DOCK1: variants seen among roughly 807,000 people sequenced by gnomAD.
DOCK1 encodes dedicator of cytokinesis protein 1.
Under a neutral mutation model 262.7 loss-of-function variants are expected in DOCK1, and 138 were observed. The ratio of observed to expected loss-of-function variants is 0.53; its 90% CI spans 0.46 to 0.61. The LOEUF is 0.61. DOCK1 is among the 20% of genes least tolerant of loss of function. The pLI, the probability that DOCK1 is intolerant of heterozygous loss-of-function variation, is 0.00. For synonymous variants in DOCK1, 866 were observed against 867.4 expected, an observed-to-expected ratio of 1.00 and a Z score of 0.03; for missense variants, 1,908 against 2,370.7, an observed-to-expected ratio of 0.80 and a Z score of 4.05.
chr10:127,315,445 G>T (rs2062234253), intron 29 of DOCK1, among the ~76,000 whole-genome samples: 1 of 152,108 alleles, frequency 6.6e-6, no homozygotes, highest in Non-Finnish European at 1.5e-5. Context: ...CAGAGGAGAG[G>T]CCATTTGAGG....
intron 23 of DOCK1, among the ~76,000 whole-genome samples, chr10:127,088,248 T>C (rs1376788244): frequency 6.6e-6 from 1 of 152,248 alleles, no homozygotes; most frequent in Admixed American, 6.5e-5. Flanking sequence ...CTTATTATTG[T>C]ACTGTTTACC....
intron 27 of DOCK1, among the ~76,000 whole-genome samples, chr10:127,139,876 AT>A (rs2051055912): frequency 6.6e-6 from 1 of 152,206 alleles, no homozygotes; most frequent in Non-Finnish European, 1.5e-5. Flanking sequence ...TTATTGTACC[AT>A]TATTATCTAT....
At chr10:127,310,680 A>T (rs2062032734) in intron 29 of DOCK1, among the ~76,000 whole-genome samples, 1 of 152,214 alleles carries the variant, frequency 6.6e-6, no homozygotes. Context: ...GGATTTTCAA[A>T]GCCGCAGGAG....
intron 38 of DOCK1, among the ~76,000 whole-genome samples, chr10:127,389,671 T>G (rs2066353492): frequency 6.6e-6 from 1 of 152,052 alleles, no homozygotes; most frequent in Non-Finnish European, 1.5e-5. Context: ...TCCTCCTTGG[T>G]GCTGTGTCGT....
chr10:127,061,724 G>A lies in DOCK1; in HGVS notation c.2393G>A (p.Arg798Lys). The change falls in exon 23 of 52, where the codon AGG (arginine) becomes AAG (lysine). Residue 798 changes from arginine (R) to lysine (K), a missense_variant. Coordinates refer to ENST00000623213, the MANE Select transcript of DOCK1 (RefSeq NM_001290223.2). ...DFVESLLQLF[R>K]SINDMMSSMS... ...GTGGAATCTTTGCTGCAGCTCTTCA[G>A]GTCCATCAATGACATGATGAGCAGC... is the stretch of plus-strand genomic sequence containing the variant. The A allele has an allele frequency of 6.3e-7, 1 of 1,598,096 alleles. No homozygotes were observed. The highest frequency in any genetic ancestry group is 8.5e-7 in the Non-Finnish European group (1 of 1,172,240).
At chr10:127,310,767 A>G (rs967000352) in intron 29 of DOCK1, among the ~76,000 whole-genome samples, 2 of 152,194 alleles carry the variant, frequency 1.3e-5, no homozygotes, top group Admixed American at 1.3e-4. Context: ...ATAGAAGGAA[A>G]TAAACTCCAG....
At chr10:127,018,588 C>T (rs2042182312) in intron 12 of DOCK1, 122 bp from the exon 13 acceptor site, 1 of 1,501,722 alleles carries the variant, frequency 6.7e-7, no homozygotes, top group Non-Finnish European at 9.1e-7. Flanking sequence ...ATATACCCAC[C>T]TTTTCTCTCA....
chr10:127,397,750 GACACGGGCAGCGACTCCTGTA>G (rs2066990827), intron 38 of DOCK1, among the ~76,000 whole-genome samples: 3 of 104,352 alleles, frequency 2.9e-5, no homozygotes, highest in African/African-American at 1.2e-4. Flanking sequence ...ACTCCTGTAT[GACACGGGCAGCGACTCCTGTA>G]TGACACGGGC....
At position 127,044,968 on chromosome 10, in the gene DOCK1, G is replaced by A. The variant is rs533178663; in HGVS notation, c.2201+1804G>A. On this transcript the variant is annotated intron_variant, in intron 21 of 51. Transcript: ENST00000623213. ...TCCCAGCACTTTGGAAGGCCGAGGTGGGTGGATCCCATGAGGCCAGGAGTT... is the reference window on the plus strand; with the variant it reads ...TCCCAGCACTTTGGAAGGCCGAGGTAGGTGGATCCCATGAGGCCAGGAGTT... Among the ~76,000 whole-genome samples the A allele has an allele frequency of 8.2e-4, 125 of 152,204 alleles. 1 individual carries two copies. The highest frequency in any genetic ancestry group is 3.4e-3 in the Middle Eastern group (1 of 294).
intron 1 of DOCK1, among the ~76,000 whole-genome samples, chr10:126,910,631 A>G (rs548903677): frequency 2.0e-5 from 3 of 152,370 alleles, no homozygotes; most frequent in African/African-American, 7.2e-5. Flanking sequence ...ACCTAAGGTT[A>G]CGTCTTGTAA....
At chr10:127,085,487 C>G (rs893418507) in intron 23 of DOCK1, among the ~76,000 whole-genome samples, 10 of 152,130 alleles carry the variant, frequency 6.6e-5, no homozygotes, top group African/African-American at 2.4e-4. Flanking sequence ...TGGCCGGGCG[C>G]GGTGGCTCAT....
chr10:127,101,658 G>A (rs1053781953), intron 23 of DOCK1, among the ~76,000 whole-genome samples: 95 of 152,332 alleles, frequency 6.2e-4, no homozygotes, highest in South Asian at 2.1e-4. Context: ...CCCGCTTGGC[G>A]GTCTGTCGGT....
At chr10:127,242,387 C>A (rs2059294112) in intron 27 of DOCK1, among the ~76,000 whole-genome samples, 1 of 152,006 alleles carries the variant, frequency 6.6e-6, no homozygotes, top group African/African-American at 2.4e-5. Flanking sequence ...CAGAAAATAC[C>A]ACCTATGAAC....
chr10:127,033,829 C>T (rs575669298), intron 18 of DOCK1, among the ~76,000 whole-genome samples: 59 of 152,258 alleles, frequency 3.9e-4, no homozygotes, highest in African/African-American at 1.1e-3. Context: ...TGGATCTTTC[C>T]GTTTCTGCAC....
At chr10:127,240,769 AAC>A (rs1432346092) in intron 27 of DOCK1, among the ~76,000 whole-genome samples, 3 of 152,188 alleles carry the variant, frequency 2.0e-5, no homozygotes, top group Admixed American at 6.5e-5. Context: ...ATAATATGAA[AAC>A]ACATGTGTGA....
chr10:127,372,894 C>T (rs1227936014), intron 33 of DOCK1, among the ~76,000 whole-genome samples: 1 of 152,216 alleles, frequency 6.6e-6, no homozygotes, highest in East Asian at 1.9e-4. Context: ...CTCCTTGCTA[C>T]TGGCACAAGT....
intron 32 of DOCK1, 91 bp downstream of exon 32, chr10:127,354,818 A>G: frequency 6.7e-7 from 1 of 1,495,054 alleles, no homozygotes. Flanking sequence ...GGGATGTCTT[A>G]AGATCTTAAT....
chr10:127,310,847 T>C lies in DOCK1; in HGVS notation c.3045-28159T>C, dbSNP rs191818434. ...TAGGAGACTGATTTATCTCCTGTTA[T>C]GTCTTATTAAGTGACATTCAGAAGA... On this transcript the variant is annotated intron_variant, in intron 29 of 51. Coordinates refer to ENST00000623213, the MANE Select transcript of DOCK1 (RefSeq NM_001290223.2). Among the ~76,000 whole-genome samples, 378 of 152,328 alleles carry C rather than the reference T, an allele frequency of 2.5e-3. 3 individuals carry two copies. Among genetic ancestry groups the C allele is most frequent in the South Asian group, 0.02 (98 of 4,832 alleles).
intron 27 of DOCK1, among the ~76,000 whole-genome samples, chr10:127,130,581 T>C (rs2050262911): frequency 6.6e-6 from 1 of 152,242 alleles, no homozygotes; most frequent in South Asian, 2.1e-4. Context: ...ATATCTCCTC[T>C]CAGACCATGT....
Sources: allele counts gnomAD v4.1 joint callset (sites outside exome capture counted in the v4.1 genomes callset), GRCh38; gene constraint gnomAD v4.1.1; transcripts MANE v1.5; gene names NCBI Gene and HGNC (gene_info 2026-07-23, HGNC 2026-07-21).